The following SPATS2L variants were observed in gnomAD, a reference collection of about 807,000 sequenced individuals.
The protein encoded by SPATS2L is SPATS2-like protein.
In SPATS2L, 30 loss-of-function variants were observed where a neutral mutation model predicts 59.6. That is an observed-to-expected ratio of 0.50 (90% confidence interval 0.38 to 0.68). The LOEUF (loss-of-function observed/expected upper bound fraction) is 0.68, where lower values mean the gene tolerates loss of function less well. SPATS2L is among the 30% of genes least tolerant of loss of function. SPATS2L has a pLI of 0.00. For missense variants in SPATS2L, 615 were observed against 700.0 expected (o/e 0.88, Z 1.37); for synonymous variants, 252 against 263.5 (o/e 0.96, Z 0.42).
chr2:200,447,069 G>A (rs962828154), intron 8 of SPATS2L, among the ~76,000 whole-genome samples: 1 of 152,214 alleles, frequency 6.6e-6, no homozygotes, highest in African/African-American at 2.4e-5. Flanking sequence ...ATGATAGGCA[G>A]TCACTTTCAT....
intron 2 of SPATS2L, among the ~76,000 whole-genome samples, chr2:200,340,947 A>C (rs1207983719): frequency 6.6e-6 from 1 of 152,186 alleles, no homozygotes; most frequent in Non-Finnish European, 1.5e-5. Flanking sequence ...CTGCTGATAA[A>C]ATTATGAATC....
chr2:200,350,217 C>T (rs2080674190), intron 2 of SPATS2L, among the ~76,000 whole-genome samples: 1 of 152,048 alleles, frequency 6.6e-6, no homozygotes, highest in African/African-American at 2.4e-5. Context: ...CGGCTGGCTT[C>T]TCTGTATTCT....
intron 3 of SPATS2L, among the ~76,000 whole-genome samples, chr2:200,397,652 T>C (rs1387319741): frequency 1.3e-5 from 2 of 151,798 alleles, no homozygotes; most frequent in East Asian, 3.9e-4. Context: ...TATTATATAA[T>C]AATAATATCA....
At position 200,423,728 on chromosome 2, in the gene SPATS2L, G is replaced by A. The variant is rs542790897; in HGVS notation, c.445+4232G>A. Among the ~76,000 whole-genome samples, 9 of 152,338 alleles carry A rather than the reference G, an allele frequency of 5.9e-5. No individual in the cohort carries two copies. The East Asian group carries it at 1.5e-3, about 26-fold the overall frequency. On this transcript the variant is annotated intron_variant, in intron 6 of 12. Coordinates refer to ENST00000409140, the MANE Select transcript of SPATS2L (RefSeq NM_001100423.2). ...GAAATCGCCAGGCTACTATAGTGGAGCATTTATCAAGCCCTCCAATAATGA... is the reference window on the plus strand; with the variant it reads ...GAAATCGCCAGGCTACTATAGTGGAACATTTATCAAGCCCTCCAATAATGA...
upstream of SPATS2L, chr2:200,306,396 T>A: frequency 7.0e-6 from 7 of 1,001,488 alleles, no homozygotes; most frequent in Non-Finnish European, 8.4e-6. Context: ...GGCGAGGAAG[T>A]CGGTCTGGAG....
Position 200,419,371 on chromosome 2 carries a change from C to G in SPATS2L, c.320C>G (p.Pro107Arg). ...CAGCCACCACAGATTCAAAACGGCC[C>G]CATGAATGGCTGCGAGAAGGACAGC... ...QPQPPQIQNGPMNGCEKDSSS... is the reference protein window; with the variant it reads ...QPQPPQIQNGRMNGCEKDSSS... The change falls in exon 6 of 13, where the codon CCC (proline) becomes CGC (arginine). Residue 107 changes from proline (P) to arginine (R), a missense_variant. By Grantham distance (103) the Pro-to-Arg change is moderately radical. This residue lies in a region of SPATS2L where 227 missense variants were observed against 257.4 expected (regional missense o/e 0.88). Coordinates refer to ENST00000409140, the MANE Select transcript of SPATS2L (RefSeq NM_001100423.2). 6.2e-7 allele frequency: 1 copy of G among 1,612,880 alleles called. No homozygotes were observed. Among genetic ancestry groups the G allele is most frequent in the South Asian group, 1.1e-5 (1 of 90,806 alleles).
chr2:200,469,830 G>A, intron 10 of SPATS2L, 84 bp from the exon 11 acceptor site: 2 of 1,026,772 alleles, frequency 1.9e-6, no homozygotes, highest in Non-Finnish European at 2.9e-6. Context: ...GTGGACACCG[G>A]AAGAGCAGAG....
intron 3 of SPATS2L, among the ~76,000 whole-genome samples, chr2:200,391,832 C>A (rs965931317): frequency 6.6e-6 from 1 of 152,118 alleles, no homozygotes; most frequent in African/African-American, 2.4e-5. Flanking sequence ...CATATTACTG[C>A]TTCTCAGGGT....
In SPATS2L at chr2:200,465,571, A is replaced by G. The variant is rs1366393447; in HGVS notation, c.848-1719A>G. ...TAGCTCCTCTGTATTCAGAAAGACT[A>G]TTAGGCACAGATCTGTCTGCCCAGC... is the stretch of plus-strand genomic sequence containing the variant. On this transcript the variant is annotated intron_variant, in intron 9 of 12. Transcript: ENST00000409140. Among the ~76,000 whole-genome samples the G allele has an allele frequency of 3.3e-5, 5 of 152,334 alleles. No homozygotes were observed. The South Asian group carries it at 6.2e-4, about 19-fold the overall frequency.
chr2:200,356,135 A>G (rs1574479821), intron 2 of SPATS2L, among the ~76,000 whole-genome samples: 1 of 152,256 alleles, frequency 6.6e-6, no homozygotes, highest in Non-Finnish European at 1.5e-5. Context: ...AGTCCACGGT[A>G]AATGGGTATT....
chr2:200,324,942 T>G (rs1330112216), intron 1 of SPATS2L, among the ~76,000 whole-genome samples: 1 of 152,184 alleles, frequency 6.6e-6, no homozygotes, highest in African/African-American at 2.4e-5. Flanking sequence ...CGACTTGATA[T>G]TAAAGCCAGT....
chr2:200,349,508 C>T (rs1176473100), intron 2 of SPATS2L, among the ~76,000 whole-genome samples: 3 of 152,212 alleles, frequency 2.0e-5, no homozygotes, highest in Non-Finnish European at 4.4e-5. Context: ...TGTGATGGCA[C>T]ATGCCTGTAA....
rs547013085 is a variant in SPATS2L at position 200,359,823 on chromosome 2, C to T, written c.-22-29400C>T. On this transcript the variant is annotated intron_variant, in intron 2 of 12. Coordinates refer to ENST00000409140, the MANE Select transcript of SPATS2L (RefSeq NM_001100423.2). ...CTTACAGCATGTGGCAAGGAGTGCA[C>T]GGCTGTGAACCAGGGCCCTTCCAGT... Among the ~76,000 whole-genome samples the T allele has an allele frequency of 8.5e-5, 13 of 152,268 alleles. No homozygotes were observed. The South Asian group carries it at 2.3e-3, about 27-fold the overall frequency.
chr2:200,349,540 A>G (rs1164410233), intron 2 of SPATS2L, among the ~76,000 whole-genome samples: 2 of 152,196 alleles, frequency 1.3e-5, no homozygotes, highest in Admixed American at 6.5e-5. Context: ...TGGAAGTCTG[A>G]GGCATGAGAA....
At chr2:200,456,787 A>G (rs2085861919) in intron 8 of SPATS2L, among the ~76,000 whole-genome samples, 1 of 152,136 alleles carries the variant, frequency 6.6e-6, no homozygotes, top group Non-Finnish European at 1.5e-5. Flanking sequence ...CACATGCAGC[A>G]GTATTTCCCT....
intron 2 of SPATS2L, chr2:200,373,234 C>T (rs1165258207): frequency 3.3e-5 from 4 of 122,538 alleles, no homozygotes; most frequent in African/African-American, 9.8e-5. Context: ...CTAAAGTTGG[C>T]ATATAATCCC....
chr2:200,394,609 C>T (rs924262455), intron 3 of SPATS2L, among the ~76,000 whole-genome samples: 1 of 152,116 alleles, frequency 6.6e-6, no homozygotes, highest in African/African-American at 2.4e-5. Context: ...ATGGACACGC[C>T]TGCTTGAATT....
At chr2:200,419,522 T>C (rs757148967) in intron 6 of SPATS2L, 26 bp downstream of exon 6, 51 of 1,611,332 alleles carry the variant, frequency 3.2e-5, no homozygotes, top group African/African-American at 6.7e-5. Flanking sequence ...GTAAAATTGC[T>C]TAGGAAGGCA....
chr2:200,432,870 A>T (rs1032157356), intron 6 of SPATS2L, among the ~76,000 whole-genome samples: 11 of 152,196 alleles, frequency 7.2e-5, no homozygotes, highest in Non-Finnish European at 1.3e-4. Context: ...GTCAAAAGAA[A>T]CTATGCCAAC....
Sources: allele counts gnomAD v4.1 joint callset (sites outside exome capture counted in the v4.1 genomes callset), GRCh38; gene constraint gnomAD v4.1.1; regional missense constraint gnomAD v4.1.1; transcripts MANE v1.5; gene names NCBI Gene and HGNC (gene_info 2026-07-23, HGNC 2026-07-21).